Variants in EML6 observed in about 807,000 individuals in gnomAD.
EML6 encodes echinoderm microtubule-associated protein-like 6.
Under a neutral mutation model 240.1 loss-of-function variants are expected in EML6, and 154 were observed. The observed-to-expected ratio is 0.64, with a 90% CI of 0.56 to 0.73. The LOEUF is 0.73. Among genes scored for constraint, EML6 ranks in the 30% least tolerant of loss-of-function variants. The probability of loss-of-function intolerance (pLI) is 0.00; values close to 1 mark genes in which losing one functional copy is unlikely to be tolerated. For missense variants in EML6, 2,964 were observed against 2,474.6 expected, an observed-to-expected ratio of 1.20 and a Z score of -4.20; for synonymous variants, 1,148 against 899.0, an observed-to-expected ratio of 1.28 and a Z score of -4.95.
rs766080873 is a variant in EML6, at chr2:54,865,018, A to G, written c.1932+1129A>G. On this transcript the variant is annotated intron_variant, in intron 13 of 41. Transcript: ENST00000356458. ...AGAGATTATTGTCTGTGGCCATACAACCCTGAACGTAGTCAATCTTGCCTG... is the reference window on the plus strand; with the variant it reads ...AGAGATTATTGTCTGTGGCCATACAGCCCTGAACGTAGTCAATCTTGCCTG... Among the ~76,000 whole-genome samples the G allele has an allele frequency of 3.3e-5, 5 of 152,344 alleles. No homozygotes were observed. The East Asian group carries it at 7.7e-4, about 23-fold the overall frequency.
intron 2 of EML6, among the ~76,000 whole-genome samples, chr2:54,750,556 G>A (rs931433124): frequency 2.6e-5 from 4 of 152,172 alleles, no homozygotes; most frequent in African/African-American, 9.7e-5. Flanking sequence ...GGACTCAGAT[G>A]ACTGTCAGTA....
intron 28 of EML6, among the ~76,000 whole-genome samples, chr2:54,935,627 TTTAAA>T (rs1403840967): frequency 6.6e-6 from 1 of 152,228 alleles, no homozygotes; most frequent in Non-Finnish European, 1.5e-5. Context: ...ACAATCAACT[TTTAAA>T]ATACATTCAT....
At chr2:54,731,071 A>C (rs1027834981) in intron 2 of EML6, among the ~76,000 whole-genome samples, 1 of 152,216 alleles carries the variant, frequency 6.6e-6, no homozygotes, top group Non-Finnish European at 1.5e-5. Flanking sequence ...GATGGCATTT[A>C]AGCAGAAACC....
chr2:54,959,169 C>T lies in EML6; in HGVS notation c.4761C>T (p.Ile1587=), dbSNP rs1190410712. Residue 1587 remains isoleucine (I), a synonymous_variant, in exon 34 of 42, where the codon ATC becomes ATT. Coordinates refer to ENST00000356458, the MANE Select transcript of EML6 (RefSeq NM_001039753.4). ...ACGTCTGGAAGGACCACTTCCTCAT[C>T]CGGCTGGTGGCCAAGGCTCACACAG... ...DVYVWKDHFL[I]RLVAKAHTGP... The T allele has an allele frequency of 4.3e-5, 67 of 1,551,686 alleles. No homozygotes were observed. The highest frequency in any genetic ancestry group is 5.8e-5 in the Non-Finnish European group (67 of 1,146,982).
At chr2:54,853,893 A>G (rs565215691) in intron 11 of EML6, 38 bp downstream of exon 11, 4 of 1,376,968 alleles carry the variant, frequency 2.9e-6, no homozygotes, top group South Asian at 2.5e-5. Flanking sequence ...ATAAAGATTT[A>G]CTCTAAACTG....
chr2:54,827,745 A>C lies in EML6; in HGVS notation c.705A>C (p.Ala235=). 1 of 1,551,014 alleles carries C rather than the reference A, an allele frequency of 6.4e-7. No homozygotes were observed. The highest frequency in any genetic ancestry group is 1.2e-5 in the South Asian group (1 of 84,024). The change falls in exon 6 of 42, where the codon GCA becomes GCC. Residue 235 remains alanine (A), a synonymous_variant. Transcript: ENST00000356458. ...GLNLVRTIQG[A]HSAGIFSMYA... is the part of the protein sequence containing the mutation. Reference sequence around the variant, plus strand: ...ATTTAGTCCGCACCATTCAAGGAGCACATAGTGTAAGTATTACCTTGTGGA... The same window carrying C: ...ATTTAGTCCGCACCATTCAAGGAGCCCATAGTGTAAGTATTACCTTGTGGA...
intron 7 of EML6, among the ~76,000 whole-genome samples, chr2:54,835,028 G>T (rs556459622): frequency 1.8e-4 from 27 of 152,104 alleles, no homozygotes; most frequent in African/African-American, 6.5e-4. Flanking sequence ...GCTTCGCCCT[G>T]GCTGCTCCTT....
chr2:54,892,004 C>T (rs192730852), intron 18 of EML6, among the ~76,000 whole-genome samples: 135 of 152,288 alleles, frequency 8.9e-4, no homozygotes, highest in Non-Finnish European at 3.4e-4. Context: ...TTATATTTTA[C>T]ATTTACAGTC....
At chr2:54,809,914 C>A (rs1256085121) in intron 2 of EML6, among the ~76,000 whole-genome samples, 2 of 145,648 alleles carry the variant, frequency 1.4e-5, no homozygotes, top group Admixed American at 1.4e-4. Context: ...TGATACATGT[C>A]ACTGCTGAAA....
chr2:54,953,936 C>T (rs762410410), intron 31 of EML6, 47 bp from the exon 32 acceptor site: 231 of 1,412,910 alleles, frequency 1.6e-4, no homozygotes, highest in Non-Finnish European at 2.1e-4. Context: ...CGCCTTGGCT[C>T]TGCCATTTGT....
intron 33 of EML6, among the ~76,000 whole-genome samples, chr2:54,958,383 G>C (rs535766791): frequency 4.4e-4 from 67 of 152,002 alleles, no homozygotes; most frequent in East Asian, 1.5e-3. Flanking sequence ...GTAGAAACAG[G>C]GTTTCACCAT....
rs540940238 is a variant in EML6, at chr2:54,799,518, G to A, written c.198-13714G>A. 1.8e-4 allele frequency among the ~76,000 whole-genome samples: 27 copies of A among 152,074 alleles called. No homozygotes were observed. In the East Asian group the frequency reaches 4.6e-3, roughly 26 times the overall value. The stretch of plus-strand genomic sequence containing the variant: ...CCACCACCACGCCCAGCTAATTTTT[G>A]TATTTTTAGTAGAGACAGGTTTCAC... On this transcript the variant is annotated intron_variant, in intron 2 of 41. Transcript: ENST00000356458.
At position 54,963,046 on chromosome 2, in the gene EML6, G is replaced by C. The variant is rs572549429; in HGVS notation, c.5157+335G>C. Among the ~76,000 whole-genome samples, 34 of 147,378 alleles carry C rather than the reference G, an allele frequency of 2.3e-4. 1 individual carries two copies. Among genetic ancestry groups the C allele is most frequent in the East Asian group, 2.3e-3 (11 of 4,860 alleles). ...TGTATTTCTGTCAAAATCCCAACAA[G>C]GTTTCTCTTAGAGCTTGGGAAGGCA... On this transcript the variant is annotated intron_variant, in intron 36 of 41. Transcript: ENST00000356458.
rs1331456985 is a variant in EML6, at chr2:54,971,922, GAT to G, written c.*1832_*1833del. 6.6e-6 allele frequency: 1 copy of G among 152,190 alleles called. No individual in the cohort carries two copies. The highest frequency in any genetic ancestry group is 2.4e-5 in the African/African-American group (1 of 41,436). The allele number at this position is 152,190 out of a possible 1,614,324, so 9.4% of individuals were successfully genotyped here. A position where few individuals can be genotyped will look rare whatever the true frequency, so the allele number is the denominator to read the frequency against. On this transcript the variant is annotated 3_prime_UTR_variant, in exon 42 of 42. Coordinates refer to ENST00000356458, the MANE Select transcript of EML6 (RefSeq NM_001039753.4). ...TATGTTCATAAATCCTGCACTGTATGATATATGTGAGTTAAAACATTGGTGCA... is the reference window on the plus strand; with the variant it reads ...TATGTTCATAAATCCTGCACTGTATGATATGTGAGTTAAAACATTGGTGCA...
intron 17 of EML6, chr2:54,882,920 G>T (rs547387100): frequency 1.4e-5 from 2 of 144,840 alleles, no homozygotes; most frequent in Non-Finnish European, 3.0e-5. Flanking sequence ...CAGGCGTATC[G>T]AACTTCCAAG....
intron 11 of EML6, among the ~76,000 whole-genome samples, chr2:54,858,221 T>C (rs1670492297): frequency 6.6e-6 from 1 of 152,234 alleles, no homozygotes; most frequent in African/African-American, 2.4e-5. Context: ...TGCTCCAGTG[T>C]GCTTATGACG....
intron 2 of EML6, among the ~76,000 whole-genome samples, chr2:54,764,827 C>G (rs1668118075): frequency 6.6e-6 from 1 of 152,132 alleles, no homozygotes; most frequent in Non-Finnish European, 1.5e-5. Context: ...GTAGGAGATG[C>G]CAGATTCCTA....
At chr2:54,877,285 A>G (rs774668114) in intron 16 of EML6, among the ~76,000 whole-genome samples, 10 of 152,122 alleles carry the variant, frequency 6.6e-5, no homozygotes, top group Non-Finnish European at 1.0e-4. Flanking sequence ...CACCTGGCCA[A>G]AATCTTTATA....
chr2:54,781,424 A>T (rs1470890513), intron 2 of EML6, among the ~76,000 whole-genome samples: 1 of 152,240 alleles, frequency 6.6e-6, no homozygotes, highest in Non-Finnish European at 1.5e-5. Flanking sequence ...ATTGGTCCAC[A>T]TAGGAATTAA....
Sources: gnomAD v4.1 joint callset for allele counts (sites outside exome capture counted in the v4.1 genomes callset) on GRCh38, gnomAD v4.1.1 for gene constraint, MANE v1.5 for transcripts, NCBI Gene and HGNC (gene_info 2026-07-23, HGNC 2026-07-21) for gene names.